LRP1B: variants seen among roughly 807,000 people sequenced by gnomAD.
LRP1B encodes low-density lipoprotein receptor-related protein 1B.
A neutral mutation model predicts 556.6 loss-of-function variants in LRP1B; 217 were observed. The observed-to-expected ratio is 0.39, with a 90% CI of 0.35 to 0.44. The LOEUF is 0.44. Ranked by LOEUF, LRP1B falls within the 20% of genes least tolerant of loss-of-function variation. The pLI, the probability that LRP1B is intolerant of heterozygous loss-of-function variation, is 1.00. For missense variants in LRP1B, 5,053 were observed against 5,620.8 expected (o/e 0.90, Z 3.23); for synonymous variants, 2,047 against 1,865.8 (o/e 1.10, Z -2.50).
intron 66 of LRP1B, among the ~76,000 whole-genome samples, chr2:140,428,773 C>T (rs959482887): frequency 1.3e-5 from 2 of 152,184 alleles, no homozygotes. Flanking sequence ...GCCTCCATAA[C>T]TGTTGTGCGT....
At chr2:140,465,362 T>C (rs1687501380) in intron 60 of LRP1B, among the ~76,000 whole-genome samples, 1 of 152,162 alleles carries the variant, frequency 6.6e-6, no homozygotes, top group Non-Finnish European at 1.5e-5. Flanking sequence ...ATCAGTGTTC[T>C]AGGTAGTCCC....
chr2:140,867,470 G>C (rs1356168952), intron 27 of LRP1B, 120 bp downstream of exon 27: 11 of 1,076,538 alleles, frequency 1.0e-5, no homozygotes, highest in Non-Finnish European at 3.8e-6. Context: ...TTCCCTCATA[G>C]AGTATGCGTA....
intron 27 of LRP1B, among the ~76,000 whole-genome samples, chr2:140,859,905 G>A (rs1049195144): frequency 6.6e-6 from 1 of 152,138 alleles, no homozygotes; most frequent in Non-Finnish European, 1.5e-5. Context: ...TGAGGCAGGA[G>A]AATGGTGTGA....
At chr2:141,504,204 T>C (rs892074900) in intron 2 of LRP1B, among the ~76,000 whole-genome samples, 1 of 152,182 alleles carries the variant, frequency 6.6e-6, no homozygotes, top group Non-Finnish European at 1.5e-5. Flanking sequence ...ATGAATTGGC[T>C]TATTTATAGT....
At chr2:141,681,787 AC>A (rs1290061716) in intron 2 of LRP1B, among the ~76,000 whole-genome samples, 1 of 152,166 alleles carries the variant, frequency 6.6e-6, no homozygotes, top group Non-Finnish European at 1.5e-5. Context: ...TATCCTTGTC[AC>A]AAAAGTAGTG....
intron 2 of LRP1B, among the ~76,000 whole-genome samples, chr2:141,561,645 T>C (rs1393245631): frequency 6.6e-6 from 1 of 151,860 alleles, no homozygotes; most frequent in Non-Finnish European, 1.5e-5. Context: ...CATAGCCTAG[T>C]CTAAGATTGA....
intron 60 of LRP1B, among the ~76,000 whole-genome samples, chr2:140,464,900 C>A (rs146089274): frequency 0.043 from 6,531 of 152,154 alleles, 235 homozygotes; most frequent in Non-Finnish European, 0.055. Context: ...CATATTCCTG[C>A]AATTATAAAT....
chr2:140,648,737 A>G (rs1684572294), intron 41 of LRP1B, among the ~76,000 whole-genome samples: 1 of 152,168 alleles, frequency 6.6e-6, no homozygotes, highest in Non-Finnish European at 1.5e-5. Flanking sequence ...AGTCTCAAGA[A>G]CTGCACAGGA....
At chr2:140,806,810 T>A (rs186599551) in intron 32 of LRP1B, among the ~76,000 whole-genome samples, 42 of 152,320 alleles carry the variant, frequency 2.8e-4, no homozygotes, top group Admixed American at 2.6e-3. Flanking sequence ...TAAGCTATCA[T>A]CCTTCTATTT....
intron 17 of LRP1B, among the ~76,000 whole-genome samples, chr2:140,987,846 T>C (rs1696971001): frequency 6.6e-6 from 1 of 151,912 alleles, no homozygotes; most frequent in African/African-American, 2.4e-5. Context: ...AAGCCAGGCA[T>C]GGTGGTGTGT....
chr2:141,159,538 C>T (rs867606086), intron 7 of LRP1B, among the ~76,000 whole-genome samples: 4 of 151,768 alleles, frequency 2.6e-5, no homozygotes, highest in Non-Finnish European at 5.9e-5. Flanking sequence ...AGCTCAGGGC[C>T]GTAGTTGATG....
intron 14 of LRP1B, among the ~76,000 whole-genome samples, chr2:141,011,147 G>A (rs1185983931): frequency 2.7e-5 from 4 of 149,808 alleles, no homozygotes; most frequent in Non-Finnish European, 5.9e-5. Context: ...AGGCAAAGGA[G>A]ATATGTACTA....
chr2:141,740,122 C>A (rs1291033677), intron 2 of LRP1B, among the ~76,000 whole-genome samples: 1 of 152,134 alleles, frequency 6.6e-6, no homozygotes, highest in East Asian at 1.9e-4. Context: ...ATAGATCAAT[C>A]TAATGCTATC....
At position 141,025,364 on chromosome 2, in the gene LRP1B, T is replaced by C. The variant is rs533466134; in HGVS notation, c.1790-5262A>G. ...TTTACACAACCATATCTAAAGCATA[T>C]TGTGTAGCTAACTATGTGTGATGGT... On this transcript the variant is annotated intron_variant, in intron 11 of 90. Coordinates refer to ENST00000389484, the MANE Select transcript of LRP1B (RefSeq NM_018557.3). Among the ~76,000 whole-genome samples the C allele has an allele frequency of 1.1e-4, 17 of 152,232 alleles. No individual in the cohort carries two copies. In the South Asian group the frequency reaches 1.2e-3, roughly 11 times the overall value.
chr2:141,213,779 T>C (rs1352143178), intron 6 of LRP1B, among the ~76,000 whole-genome samples: 1 of 152,222 alleles, frequency 6.6e-6, no homozygotes, highest in East Asian at 1.9e-4. Context: ...AAAAATAGTT[T>C]CTATACTGTA....
intron 2 of LRP1B, among the ~76,000 whole-genome samples, chr2:141,530,528 AAGGAT>A (rs1684835960): frequency 6.6e-6 from 1 of 151,928 alleles, no homozygotes; most frequent in African/African-American, 2.4e-5. Flanking sequence ...TCTAGCTGCT[AAGGAT>A]AGAACAGTGA....
chr2:140,608,679 AAG>A (rs1470921587), intron 41 of LRP1B, among the ~76,000 whole-genome samples: 2 of 152,108 alleles, frequency 1.3e-5, no homozygotes, highest in East Asian at 3.9e-4. Context: ...TCCATGTTGT[AAG>A]AGAGTCTTTG....
chr2:141,631,862 C>T (rs866371658), intron 2 of LRP1B, among the ~76,000 whole-genome samples: 5 of 152,144 alleles, frequency 3.3e-5, no homozygotes, highest in Middle Eastern at 6.8e-3. Flanking sequence ...TTTAGAAAGG[C>T]TATAATTATC....
intron 1 of LRP1B, among the ~76,000 whole-genome samples, chr2:141,963,245 C>G (rs1574536852): frequency 6.6e-6 from 1 of 151,814 alleles, no homozygotes; most frequent in East Asian, 1.9e-4. Context: ...GTATAGGTAC[C>G]TATTTCTTTG....
Sources: gnomAD v4.1 joint callset for allele counts (sites outside exome capture counted in the v4.1 genomes callset) on GRCh38, gnomAD v4.1.1 for gene constraint, MANE v1.5 for transcripts, NCBI Gene and HGNC (gene_info 2026-07-23, HGNC 2026-07-21) for gene names.